SLC11A2: variants seen among roughly 807,000 people sequenced by gnomAD.
SLC11A2 encodes natural resistance-associated macrophage protein 2.
In SLC11A2, 38 loss-of-function variants were observed where a neutral mutation model predicts 68.0. The observed-to-expected ratio is 0.56, with a 90% CI of 0.43 to 0.73. The LOEUF (loss-of-function observed/expected upper bound fraction) is 0.73. Among genes scored for constraint, SLC11A2 ranks in the 30% least tolerant of loss-of-function variants. The pLI, the probability that SLC11A2 is intolerant of heterozygous loss-of-function variation, is 0.00. For missense variants in SLC11A2, 517 were observed against 690.5 expected, an observed-to-expected ratio of 0.75 and a Z score of 2.82; for synonymous variants, 242 against 250.6, an observed-to-expected ratio of 0.97 and a Z score of 0.32.
At chr12:50,970,424 A>C in the SLC11A2 span, 1 of 1,293,830 alleles carries the variant, frequency 7.7e-7, no homozygotes, top group Non-Finnish European at 1.1e-6. Context: ...CAATTGATAT[A>C]CATCCTTCTT....
At position 50,986,436 on chromosome 12, in the gene SLC11A2, GCAAGTCATAAATATAACT is replaced by G; in HGVS notation, c.*1871_*1888del. 7.8e-7 allele frequency: 1 copy of G among 1,283,900 alleles called. No individual in the cohort carries two copies. Among genetic ancestry groups the G allele is most frequent in the Non-Finnish European group, 1.0e-6 (1 of 986,024 alleles). 79.5% of individuals were successfully genotyped at this position (1,283,900 alleles called of 1,614,324 possible). A position where few individuals can be genotyped will look rare whatever the true frequency, so the allele number is the denominator to read the frequency against. ...TAATTGGAAGGAGTTTTCTATCATTGCAAGTCATAAATATAACTTTTAAAAGAATACTAGCAGCTTTTA... is the reference window on the plus strand; with the variant it reads ...TAATTGGAAGGAGTTTTCTATCATTGTTTAAAAGAATACTAGCAGCTTTTA... On this transcript the variant is annotated 3_prime_UTR_variant, in exon 16 of 16. Coordinates refer to ENST00000262052, the MANE Select transcript of SLC11A2 (RefSeq NM_000617.3).
chr12:50,954,254 C>A, the SLC11A2 span: 1 of 488,180 alleles, frequency 2.0e-6, no homozygotes, highest in South Asian at 4.0e-5. Flanking sequence ...GTTCCTAATA[C>A]ATGGTAAGCC....
chr12:51,019,215 A>T lies in SLC11A2; in HGVS notation c.-39+7095T>A, dbSNP rs76065714. 7.0e-3 allele frequency among the ~76,000 whole-genome samples: 1,073 copies of T among 152,346 alleles called. 20 individuals are homozygous for T. The highest frequency in any genetic ancestry group is 0.024 in the African/African-American group (1,001 of 41,578). On this transcript the variant is annotated intron_variant, in intron 1 of 15. Coordinates refer to ENST00000262052, the MANE Select transcript of SLC11A2 (RefSeq NM_000617.3). ...TAGGTGCACAGATCAAGGCTTAGCG[A>T]CACCCAAAGTGTTTATTAGAGAATA...
chr12:50,953,275 C>T, the SLC11A2 span, among the ~76,000 whole-genome samples: 16 of 152,194 alleles, frequency 1.1e-4, no homozygotes, highest in African/African-American at 3.4e-4. Flanking sequence ...GTGCTTCTTA[C>T]GCTTAAGTTT....
chr12:51,026,284 G>T, intron 1 of SLC11A2, 26 bp downstream of exon 1: 1 of 1,225,242 alleles, frequency 8.2e-7, no homozygotes, highest in Non-Finnish European at 1.1e-6. Context: ...GGAATGCCGT[G>T]ACCCCTGACC....
At chr12:50,998,339 T>C (rs192760732) in intron 8 of SLC11A2, among the ~76,000 whole-genome samples, 1 of 152,278 alleles carries the variant, frequency 6.6e-6, no homozygotes, top group Admixed American at 6.5e-5. Context: ...CTAGCCTACA[T>C]GACAGAGCAA....
chr12:50,988,478 G>A lies in SLC11A2; in HGVS notation c.1576-43C>T, dbSNP rs746696514. The A allele has an allele frequency of 2.5e-6, 4 of 1,612,820 alleles. No individual in the cohort carries two copies. In the South Asian group the frequency reaches 4.4e-5, roughly 18 times the overall value. ...GTCATCACTCACCAGGCTCTTTGAA[G>A]AGCCATGACTGCTCACACAGCACTT... On this transcript the variant is annotated intron_variant, in intron 15 of 15. Transcript: ENST00000262052.
chr12:51,025,103 A>G (rs1418564429), intron 1 of SLC11A2, among the ~76,000 whole-genome samples: 1 of 152,246 alleles, frequency 6.6e-6, no homozygotes, highest in Non-Finnish European at 1.5e-5. Context: ...AACACGCAGC[A>G]GAAATCCTCT....
intron 3 of SLC11A2, among the ~76,000 whole-genome samples, chr12:51,007,531 CA>C (rs1942828749): frequency 6.6e-6 from 1 of 151,960 alleles, no homozygotes; most frequent in African/African-American, 2.4e-5. Flanking sequence ...GACAGGGTTT[CA>C]CCATGTTAAC....
chr12:50,995,046 C>G (rs1941574081), intron 10 of SLC11A2: 1 of 272,278 alleles, frequency 3.7e-6, no homozygotes, highest in African/African-American at 2.3e-5. Context: ...CACAGGAGCT[C>G]ACGCCTGTAA....
In SLC11A2 at chr12:51,010,739, TG is replaced by T. The variant is rs751693810; in HGVS notation, c.-12del. The T allele has an allele frequency of 1.4e-5, 23 of 1,604,390 alleles. No homozygotes were observed. The highest frequency in any genetic ancestry group is 1.9e-5 in the Non-Finnish European group (22 of 1,172,238). On this transcript the variant is annotated 5_prime_UTR_variant, in exon 2 of 16. Transcript: ENST00000262052. ...AGGACCCAGCACCATGGTGGATACC[TG>T]AGTGGCTGAGTTCTTAGAATATGAT...
At chr12:50,957,338 G>C in the SLC11A2 span, among the ~76,000 whole-genome samples, 2 of 151,556 alleles carry the variant, frequency 1.3e-5, no homozygotes, top group Non-Finnish European at 2.9e-5. Context: ...AGCTTCCTGA[G>C]TAAGCATGCG....
the SLC11A2 span, among the ~76,000 whole-genome samples, chr12:50,962,869 A>G: frequency 6.6e-6 from 1 of 152,192 alleles, no homozygotes; most frequent in Admixed American, 6.5e-5. Context: ...AGGCAGAGGA[A>G]AAAACAAAGG....
chr12:51,028,403 A>T (rs1474392543), upstream of SLC11A2: 25 of 509,846 alleles, frequency 4.9e-5, 1 homozygote, highest in Middle Eastern at 5.0e-3. Flanking sequence ...ATCAGATTTC[A>T]TCTTTGACCT....
intron 10 of SLC11A2, among the ~76,000 whole-genome samples, chr12:50,995,328 T>C (rs1021610220): frequency 5.9e-5 from 9 of 152,102 alleles, no homozygotes; most frequent in African/African-American, 2.2e-4. Flanking sequence ...ACTACATAGG[T>C]AATCAGAAAT....
Position 51,008,539 on chromosome 12 carries a change from A to C in SLC11A2, c.120T>G (p.Pro40=). 1 of 1,611,182 alleles carries C rather than the reference A, an allele frequency of 6.2e-7. No homozygotes were observed. Among genetic ancestry groups the C allele is most frequent in the Non-Finnish European group, 8.5e-7 (1 of 1,177,372 alleles). Residue 40 remains proline, a synonymous_variant, in exon 3 of 16, where the codon CCT becomes CCG. Coordinates refer to ENST00000262052, the MANE Select transcript of SLC11A2 (RefSeq NM_000617.3). ...TGGCGAAGTACTCCTCTGAGTCCCC[A>C]GGGGACTGTGAAAGAGAGGGATTAC... is the stretch of plus-strand genomic sequence containing the variant. ...AYSNPSLSQS[P]GDSEEYFATY...
chr12:50,990,342 A>G (rs1182691721), intron 15 of SLC11A2, among the ~76,000 whole-genome samples: 3 of 151,840 alleles, frequency 2.0e-5, no homozygotes, highest in Non-Finnish European at 4.4e-5. Context: ...ACCGTTCTCC[A>G]CTCTCTGTAC....
At chr12:51,009,662 C>T (rs1250650976) in intron 2 of SLC11A2, among the ~76,000 whole-genome samples, 2 of 152,174 alleles carry the variant, frequency 1.3e-5, no homozygotes, top group Non-Finnish European at 2.9e-5. Context: ...ACTCAAGAAG[C>T]TCCAATCAAA....
the SLC11A2 span, among the ~76,000 whole-genome samples, chr12:50,956,990 A>ATT: frequency 0.014 from 2,023 of 143,920 alleles, 44 homozygotes; most frequent in African/African-American, 0.047. Context: ...TCATTTTGTT[A>ATT]TTTTTTTTTT....
Sources: gnomAD v4.1 joint callset for allele counts (sites outside exome capture counted in the v4.1 genomes callset) on GRCh38, gnomAD v4.1.1 for gene constraint, MANE v1.5 for transcripts, NCBI Gene and HGNC (gene_info 2026-07-23, HGNC 2026-07-21) for gene names.